The following LARS2 variants were observed in gnomAD, a reference collection of about 807,000 sequenced individuals.
LARS2 encodes leucyl-tRNA synthetase 2, mitochondrial.
A neutral mutation model predicts 116.6 loss-of-function variants in LARS2; 81 were observed. The observed-to-expected ratio is 0.69, with a 90% CI of 0.58 to 0.84. LARS2 has a LOEUF of 0.84. Among genes scored for constraint, LARS2 ranks in the 40% least tolerant of loss-of-function variants. The pLI is 0.00. For synonymous variants in LARS2, 396 were observed against 407.2 expected (o/e 0.97, Z 0.33); for missense variants, 968 against 1,114.5 (o/e 0.87, Z 1.87).
Position 45,458,674 on chromosome 3 carries a change from G to A in LARS2, c.607-69G>A, listed in dbSNP as rs1488735893. ...TGCACTCTAGCCCGGGCGACAGTGC[G>A]ACACTCCCTGTCAAAAAAAAAAAAG... On this transcript the variant is annotated intron_variant, in intron 7 of 21. Coordinates refer to ENST00000645846, the MANE Select transcript of LARS2 (RefSeq NM_015340.4). 2.2e-5 allele frequency: 34 copies of A among 1,538,112 alleles called. No homozygotes were observed. In the East Asian group the frequency reaches 2.7e-4, roughly 12 times the overall value.
chr3:45,439,855 A>G (rs1393066137), intron 6 of LARS2, among the ~76,000 whole-genome samples: 1 of 152,224 alleles, frequency 6.6e-6, no homozygotes, highest in Admixed American at 6.5e-5. Context: ...CTGTAAAGAC[A>G]TAAAGGCAGG....
intron 15 of LARS2, among the ~76,000 whole-genome samples, chr3:45,502,767 T>C (rs901893106): frequency 1.3e-5 from 2 of 152,166 alleles, no homozygotes; most frequent in South Asian, 4.1e-4. Context: ...TATCTGCTGA[T>C]TAACCCATTC....
At chr3:45,489,820 C>T (rs1464800527) in intron 12 of LARS2, among the ~76,000 whole-genome samples, 2 of 152,148 alleles carry the variant, frequency 1.3e-5, no homozygotes, top group Non-Finnish European at 2.9e-5. Flanking sequence ...GGGCATGGAT[C>T]AGACATCAAT....
chr3:45,481,170 G>A (rs74837101), intron 10 of LARS2, among the ~76,000 whole-genome samples: 33 of 152,150 alleles, frequency 2.2e-4, no homozygotes, highest in Admixed American at 1.2e-3. Context: ...TTATTGTCTG[G>A]CTCCTTTCAC....
intron 21 of LARS2, among the ~76,000 whole-genome samples, chr3:45,542,387 C>T (rs981157687): frequency 1.1e-4 from 16 of 152,036 alleles, no homozygotes; most frequent in Admixed American, 7.2e-4. Flanking sequence ...CAGAAAGGCT[C>T]CATAATTTTT....
At chr3:45,487,708 A>G (rs1163543577) in intron 11 of LARS2, among the ~76,000 whole-genome samples, 3 of 152,118 alleles carry the variant, frequency 2.0e-5, no homozygotes, top group Non-Finnish European at 4.4e-5. Flanking sequence ...CCCGCAACAA[A>G]GTCCACAATG....
chr3:45,392,871 C>T (rs182672377), intron 2 of LARS2, among the ~76,000 whole-genome samples: 3 of 152,218 alleles, frequency 2.0e-5, no homozygotes, highest in African/African-American at 4.8e-5. Flanking sequence ...CTTAGAGTGC[C>T]GGGTTTCTTT....
At chr3:45,410,230 C>A (rs776371474) in intron 4 of LARS2, among the ~76,000 whole-genome samples, 7 of 152,004 alleles carry the variant, frequency 4.6e-5, no homozygotes, top group Non-Finnish European at 7.4e-5. Flanking sequence ...TAAAGCACAG[C>A]TGGAAGCTGC....
chr3:45,406,271 T>A (rs965690424), intron 4 of LARS2, among the ~76,000 whole-genome samples: 1 of 152,158 alleles, frequency 6.6e-6, no homozygotes, highest in East Asian at 1.9e-4. Context: ...TCTTAAACTT[T>A]AGGGTGTGTA....
intron 21 of LARS2, among the ~76,000 whole-genome samples, chr3:45,543,394 C>A (rs1700825151): frequency 1.3e-5 from 2 of 152,050 alleles, no homozygotes; most frequent in African/African-American, 4.8e-5. Flanking sequence ...AGTCCTCTTG[C>A]CTCAGCCTCC....
At chr3:45,522,995 T>C (rs1373384442) in intron 19 of LARS2, among the ~76,000 whole-genome samples, 8 of 152,180 alleles carry the variant, frequency 5.3e-5, no homozygotes, top group Non-Finnish European at 1.2e-4. Flanking sequence ...TATATACACA[T>C]TTTTGCATTT....
At chr3:45,410,717 A>G (rs751813390) in intron 4 of LARS2, among the ~76,000 whole-genome samples, 3 of 152,198 alleles carry the variant, frequency 2.0e-5, no homozygotes, top group African/African-American at 4.8e-5. Context: ...TGAAGCCCTT[A>G]TGGCTTCTGA....
chr3:45,480,059 A>T (rs1328384639), intron 10 of LARS2, among the ~76,000 whole-genome samples: 3 of 152,302 alleles, frequency 2.0e-5, no homozygotes, highest in Non-Finnish European at 2.9e-5. Context: ...TCTCCATAGT[A>T]TCCATATGGG....
intron 6 of LARS2, among the ~76,000 whole-genome samples, chr3:45,427,735 C>T (rs1429939749): frequency 6.6e-6 from 1 of 152,118 alleles, no homozygotes; most frequent in Non-Finnish European, 1.5e-5. Context: ...CAACATGTGT[C>T]CTCCTCCAGT....
At chr3:45,490,529 A>G (rs954405184) in intron 12 of LARS2, among the ~76,000 whole-genome samples, 3 of 152,244 alleles carry the variant, frequency 2.0e-5, no homozygotes, top group Admixed American at 6.5e-5. Context: ...ACTGACTTTC[A>G]GGAGAGCTTT....
rs992276751 is a variant in LARS2 at position 45,519,875 on chromosome 3, T to G, written c.2215-344T>G. Reference sequence around the variant, plus strand: ...ATTGGCCAGGCTGGTCTCGAACTCTTGACCTCAAGTAATCCACCCACCTCG... The same window carrying G: ...ATTGGCCAGGCTGGTCTCGAACTCTGGACCTCAAGTAATCCACCCACCTCG... On this transcript the variant is annotated intron_variant, in intron 18 of 21. Transcript: ENST00000645846. 7.4e-5 allele frequency: 14 copies of G among 190,438 alleles called. No homozygotes were observed. In the Admixed American group the frequency reaches 7.7e-4, roughly 11 times the overall value. The allele number at this position is 190,438 out of a possible 1,614,324, so 11.8% of individuals were successfully genotyped here.
chr3:45,486,016 T>TAAG lies in LARS2; in HGVS notation c.1123+224_1123+226dup, dbSNP rs10681685. On this transcript the variant is annotated intron_variant, in intron 11 of 21. Coordinates refer to ENST00000645846, the MANE Select transcript of LARS2 (RefSeq NM_015340.4). ...GTACTTTGCTCGTTGCTACTGAGAATAAGAAGTATCTGACCTACAAATCTT... is the reference window on the plus strand; with the variant it reads ...GTACTTTGCTCGTTGCTACTGAGAATAAGAAGAAGTATCTGACCTACAAATCTT... 0.62 allele frequency among the ~76,000 whole-genome samples: 93,455 copies of TAAG among 151,938 alleles called. 30,341 individuals carry two copies. Among genetic ancestry groups the TAAG allele is most frequent in the East Asian group, 0.81 (4,167 of 5,176 alleles).
intron 6 of LARS2, among the ~76,000 whole-genome samples, chr3:45,436,648 G>A (rs1384037074): frequency 6.6e-6 from 1 of 151,684 alleles, no homozygotes; most frequent in African/African-American, 2.4e-5. Flanking sequence ...CAAAAAATTA[G>A]CCGGGCGCGG....
chr3:45,529,923 A>T (rs1038438105), intron 20 of LARS2, among the ~76,000 whole-genome samples: 1 of 152,036 alleles, frequency 6.6e-6, no homozygotes, highest in Non-Finnish European at 1.5e-5. Flanking sequence ...GAGCGAGGAG[A>T]TATGTCTTAG....
Sources: allele counts gnomAD v4.1 joint callset (sites outside exome capture counted in the v4.1 genomes callset), GRCh38; gene constraint gnomAD v4.1.1; transcripts MANE v1.5; gene names NCBI Gene and HGNC (gene_info 2026-07-23, HGNC 2026-07-21).